The following TRMT61A variants were observed in gnomAD, a reference collection of about 807,000 sequenced individuals.
The protein encoded by TRMT61A is tRNA (adenine(58)-N(1))-methyltransferase catalytic subunit TRMT61A.
Under a neutral mutation model 21.3 loss-of-function variants are expected in TRMT61A, and 15 were observed. The observed-to-expected ratio is 0.70, with a 90% CI of 0.47 to 1.08. The LOEUF is 1.08. TRMT61A is among the 50% of genes least tolerant of loss of function. TRMT61A has a pLI of 0.00. For missense variants in TRMT61A, 352 were observed against 426.7 expected (o/e 0.83, Z 1.54); for synonymous variants, 183 against 185.5 (o/e 0.99, Z 0.11).
intron 3 of TRMT61A, 42 bp from the exon 4 acceptor site, chr14:103,534,508 T>A (rs2075965978): frequency 1.3e-6 from 2 of 1,523,094 alleles, no homozygotes; most frequent in Non-Finnish European, 1.8e-6. Context: ...GGCCAGGCTC[T>A]GCCACCCCTG....
chr14:103,532,532 T>A, intron 2 of TRMT61A, 50 bp from the exon 3 acceptor site: 1 of 1,610,866 alleles, frequency 6.2e-7, no homozygotes, highest in Admixed American at 1.7e-5. Context: ...AGGCTGTGGG[T>A]CCCGAGCAGT....
intron 3 of TRMT61A, among the ~76,000 whole-genome samples, chr14:103,534,004 G>A (rs1181333387): frequency 1.3e-5 from 2 of 152,218 alleles, no homozygotes; most frequent in African/African-American, 4.8e-5. Context: ...ACAGGGACCC[G>A]GGCTGGGTTC....
rs753411953 is a variant in TRMT61A at position 103,534,595 on chromosome 14, G to A, written c.644G>A (p.Arg215His). 5.0e-6 allele frequency: 8 copies of A among 1,599,334 alleles called. No homozygotes were observed. The highest frequency in any genetic ancestry group is 1.3e-5 in the African/African-American group (1 of 74,702). ...SFSPCIEQVQ[R>H]TCQALAARGF... Reference sequence around the variant, plus strand: ...TCACCGTGCATCGAGCAGGTGCAACGCACATGCCAGGCGCTGGCAGCGCGC... The same window carrying A: ...TCACCGTGCATCGAGCAGGTGCAACACACATGCCAGGCGCTGGCAGCGCGC... Residue 215 changes from arginine to histidine, a missense_variant, in exon 4 of 4, where the codon CGC (arginine) becomes CAC (histidine). Arg to His is a conservative substitution (Grantham distance 29, BLOSUM62 0). Transcript: ENST00000389749.
intron 2 of TRMT61A, 89 bp from the exon 3 acceptor site, chr14:103,532,493 C>A (rs1326639862): frequency 6.5e-7 from 1 of 1,526,770 alleles, no homozygotes; most frequent in Non-Finnish European, 9.0e-7. Context: ...GTGTGGGTCT[C>A]CAGGGTGAGG....
rs796438129 is a variant in TRMT61A at position 103,531,284 on chromosome 14, G to A, written c.331+975G>A. Among the ~76,000 whole-genome samples, 5 of 152,334 alleles carry A rather than the reference G, an allele frequency of 3.3e-5. No homozygotes were observed. Among genetic ancestry groups the A allele is most frequent in the South Asian group, 4.1e-4 (2 of 4,830 alleles). On this transcript the variant is annotated intron_variant, in intron 2 of 3. Coordinates refer to ENST00000389749, the MANE Select transcript of TRMT61A (RefSeq NM_152307.3). This position sits in a 1 kb window ranked among gnomAD's most constrained non-coding sequence, Gnocchi z 5.1. ...TGTGAAGCCTGTGAGACAGGGCTGC[G>A]TGTCTGAGGGGTACCCAGAGTGGGG...
chr14:103,536,167 T>C lies in TRMT61A; in HGVS notation c.*1346T>C, dbSNP rs1427024893. On this transcript the variant is annotated 3_prime_UTR_variant, in exon 4 of 4. Coordinates refer to ENST00000389749, the MANE Select transcript of TRMT61A (RefSeq NM_152307.3). ...TGGTTTGGCATGATAGGCGCTCCAG[T>C]CTCCAGGACAAAGGGGCAAATGTGT... 2 of 152,394 alleles carry C rather than the reference T, an allele frequency of 1.3e-5. No homozygotes were observed. Among genetic ancestry groups the C allele is most frequent in the African/African-American group, 2.4e-5 (1 of 41,398 alleles). 9.4% of individuals were successfully genotyped at this position (152,394 alleles called of 1,614,324 possible).
rs1160460352 is a variant in TRMT61A at position 103,530,090 on chromosome 14, A to C, written c.112A>C (p.Thr38Pro). The C allele has an allele frequency of 6.2e-7, 1 of 1,612,866 alleles. No homozygotes were observed. The highest frequency in any genetic ancestry group is 8.5e-7 in the Non-Finnish European group (1 of 1,180,004). ...VRVQRGAQTQTRHGVLRHSVD... is the reference protein window; with the variant it reads ...VRVQRGAQTQPRHGVLRHSVD... ...TGTGCAGCGTGGGGCACAGACCCAG[A>C]CCCGGCATGGTGTCCTGCGGCACTC... Residue 38 changes from threonine (T) to proline (P), a missense_variant, in exon 2 of 4, where the codon ACC becomes CCC. By Grantham distance (38) the Thr-to-Pro change is conservative. Transcript: ENST00000389749.
chr14:103,534,735 A>G lies in TRMT61A; in HGVS notation c.784A>G (p.Thr262Ala), dbSNP rs757141410. 2.5e-6 allele frequency: 4 copies of G among 1,600,404 alleles called. No homozygotes were observed. In the South Asian group the frequency reaches 3.3e-5, roughly 13 times the overall value. Residue 262 changes from threonine (T) to alanine (A), a missense_variant, in exon 4 of 4, where the codon ACC becomes GCC. Physicochemically the swap from Thr to Ala is moderately conservative, Grantham distance 58. Coordinates refer to ENST00000389749, the MANE Select transcript of TRMT61A (RefSeq NM_152307.3). ...TGTDGPAGSD[T>A]SPFRSGTPMK... is the part of the protein sequence containing the mutation. ...CACAGATGGCCCTGCCGGCTCCGAC[A>G]CCAGCCCCTTCCGCAGCGGCACGCC... is the stretch of plus-strand genomic sequence containing the variant.
In TRMT61A at chr14:103,536,021, G is replaced by A. The variant is rs577689015; in HGVS notation, c.*1200G>A. 5 of 152,770 alleles carry A rather than the reference G, an allele frequency of 3.3e-5. No homozygotes were observed. The highest frequency in any genetic ancestry group is 9.6e-5 in the African/African-American group (4 of 41,566). 9.5% of individuals were successfully genotyped at this position (152,770 alleles called of 1,614,324 possible). ...GGGCCTGGCCCCAAGTGTGAGTGAT[G>A]AGCAATAAACGTACCGTCCCCCTCT... On this transcript the variant is annotated 3_prime_UTR_variant, in exon 4 of 4. Coordinates refer to ENST00000389749, the MANE Select transcript of TRMT61A (RefSeq NM_152307.3).
At position 103,534,846 on chromosome 14, in the gene TRMT61A, G is replaced by A. The variant is rs952431017; in HGVS notation, c.*25G>A. Reference sequence around the variant, plus strand: ...GGGGGCCGCCTCCCAGGGCACCAGGGAGCTGGGAGCACTGAAGGGCTGGGC... The same window carrying A: ...GGGGGCCGCCTCCCAGGGCACCAGGAAGCTGGGAGCACTGAAGGGCTGGGC... On this transcript the variant is annotated 3_prime_UTR_variant, in exon 4 of 4. Transcript: ENST00000389749. The A allele has an allele frequency of 1.3e-6, 2 of 1,535,828 alleles. No individual in the cohort carries two copies. Among genetic ancestry groups the A allele is most frequent in the African/African-American group, 2.7e-5 (2 of 73,246 alleles).
intron 2 of TRMT61A, 144 bp downstream of exon 2, chr14:103,530,453 G>T: frequency 3.9e-6 from 3 of 767,332 alleles, no homozygotes. Flanking sequence ...AGCAGGGAGT[G>T]AAGGTGGAGG....
chr14:103,529,596 A>T (rs1437939274), intron 1 of TRMT61A, among the ~76,000 whole-genome samples: 1 of 152,216 alleles, frequency 6.6e-6, no homozygotes, highest in Non-Finnish European at 1.5e-5. Flanking sequence ...GCGCTTCCTC[A>T]TCTCACATCT....
rs370903427 is a variant in TRMT61A at position 103,530,148 on chromosome 14, A to G, written c.170A>G (p.Lys57Arg). The change falls in exon 2 of 4, where the codon AAG (lysine) becomes AGG (arginine). Residue 57 changes from lysine (K) to arginine (R), a missense_variant. Coordinates refer to ENST00000389749, the MANE Select transcript of TRMT61A (RefSeq NM_152307.3). ...VDLIGRPFGS[K>R]VTCGRGGWVY... ...CTTATCGGCCGCCCCTTCGGCTCCA[A>G]GGTGACGTGCGGCCGAGGTGGCTGG... 4.7e-5 allele frequency: 75 copies of G among 1,612,740 alleles called. No individual in the cohort carries two copies. Among genetic ancestry groups the G allele is most frequent in the Non-Finnish European group, 5.9e-5 (70 of 1,179,998 alleles).
rs533160742 is a variant in TRMT61A at position 103,535,202 on chromosome 14, G to A, written c.*381G>A. On this transcript the variant is annotated 3_prime_UTR_variant, in exon 4 of 4. Transcript: ENST00000389749. ...AGGGGGGCATTGACCCTGAGACCACGCTGCGTCTGACCCCTGGGCCCCCAC... is the reference window on the plus strand; with the variant it reads ...AGGGGGGCATTGACCCTGAGACCACACTGCGTCTGACCCCTGGGCCCCCAC... 1.8e-5 allele frequency: 9 copies of A among 495,534 alleles called. No homozygotes were observed. The East Asian group carries it at 4.0e-4, about 22-fold the overall frequency. 30.7% of individuals were successfully genotyped at this position (495,534 alleles called of 1,614,324 possible).
At position 103,535,182 on chromosome 14, in the gene TRMT61A, G is replaced by A. The variant is rs1042421768; in HGVS notation, c.*361G>A. 1 of 526,350 alleles carries A rather than the reference G, an allele frequency of 1.9e-6. No homozygotes were observed. Among genetic ancestry groups the A allele is most frequent in the South Asian group, 1.5e-5 (1 of 65,020 alleles). 32.6% of individuals were successfully genotyped at this position (526,350 alleles called of 1,614,324 possible). A position where few individuals can be genotyped will look rare whatever the true frequency, so the allele number is the denominator to read the frequency against. ...AGGAAGGGGGTGGAGGAGGGAGGGG[G>A]GCATTGACCCTGAGACCACGCTGCG... On this transcript the variant is annotated 3_prime_UTR_variant, in exon 4 of 4. Transcript: ENST00000389749.
At position 103,530,257 on chromosome 14, in the gene TRMT61A, C is replaced by A. The variant is rs1335907182; in HGVS notation, c.279C>A (p.Ala93=). 1 of 1,603,766 alleles carries A rather than the reference C, an allele frequency of 6.2e-7. No homozygotes were observed. Among genetic ancestry groups the A allele is most frequent in the Non-Finnish European group, 8.5e-7 (1 of 1,172,018 alleles). Reference sequence around the variant, plus strand: ...AGATCCTCTACTCCACAGACATCGCCCTCATCACCATGATGTTGGAGCTTC... The same window carrying A: ...AGATCCTCTACTCCACAGACATCGCACTCATCACCATGATGTTGGAGCTTC... ...RTQILYSTDI[A]LITMMLELRP... is the part of the protein sequence containing the mutation. The change falls in exon 2 of 4, where the codon GCC becomes GCA. Residue 93 remains alanine, a synonymous_variant. Coordinates refer to ENST00000389749, the MANE Select transcript of TRMT61A (RefSeq NM_152307.3).
Position 103,535,041 on chromosome 14 carries a change from C to A in TRMT61A, c.*220C>A. The stretch of plus-strand genomic sequence containing the variant: ...GCCATTCCTGTCCAGCCCTGTGGCC[C>A]ATCCCAGCTGCTGTTTGTTGCCAAT... On this transcript the variant is annotated 3_prime_UTR_variant, in exon 4 of 4. Coordinates refer to ENST00000389749, the MANE Select transcript of TRMT61A (RefSeq NM_152307.3). 1.4e-6 allele frequency: 1 copy of A among 716,416 alleles called. No individual in the cohort carries two copies. The highest frequency in any genetic ancestry group is 2.5e-6 in the Non-Finnish European group (1 of 398,712). The allele number at this position is 716,416 out of a possible 1,614,324, so 44.4% of individuals were successfully genotyped here. A position where few individuals can be genotyped will look rare whatever the true frequency, so the allele number is the denominator to read the frequency against.
chr14:103,531,684 C>T lies in TRMT61A; in HGVS notation c.332-898C>T, dbSNP rs191738474. 4.6e-5 allele frequency among the ~76,000 whole-genome samples: 7 copies of T among 152,106 alleles called. No individual in the cohort carries two copies. The highest frequency in any genetic ancestry group is 2.0e-4 in the Admixed American group (3 of 15,286). On this transcript the variant is annotated intron_variant, in intron 2 of 3. Coordinates refer to ENST00000389749, the MANE Select transcript of TRMT61A (RefSeq NM_152307.3). This position sits in a 1 kb window ranked among gnomAD's most constrained non-coding sequence, Gnocchi z 5.1. Reference sequence around the variant, plus strand: ...ATGTGGGAGGTGGCAGGACGTGGGACGGGATAGAGGGAGTGGAGGCACCTC... The same window carrying T: ...ATGTGGGAGGTGGCAGGACGTGGGATGGGATAGAGGGAGTGGAGGCACCTC...
chr14:103,534,926 G>A lies in TRMT61A; in HGVS notation c.*105G>A, dbSNP rs2075968217. On this transcript the variant is annotated 3_prime_UTR_variant, in exon 4 of 4. Transcript: ENST00000389749. ...GCGATGCCTGCCAGACACAGACGGT[G>A]GGGTGGGGCTTGGGGGCCTCCTGGG... 1 of 1,466,142 alleles carries A rather than the reference G, an allele frequency of 6.8e-7. No individual in the cohort carries two copies. The highest frequency in any genetic ancestry group is 2.0e-5 in the Admixed American group (1 of 50,822). The allele number at this position is 1,466,142 out of a possible 1,614,324, so 90.8% of individuals were successfully genotyped here.
Sources: gnomAD v4.1 joint callset for allele counts (sites outside exome capture counted in the v4.1 genomes callset) on GRCh38, gnomAD v4.1.1 for gene constraint, Gnocchi (gnomAD v3.1) non-coding constraint, MANE v1.5 for transcripts, NCBI Gene and HGNC (gene_info 2026-07-23, HGNC 2026-07-21) for gene names.